ETFDH: variants seen among roughly 807,000 people sequenced by gnomAD.
The protein encoded by ETFDH is electron transfer flavoprotein dehydrogenase, also known as electron transfer flavoprotein-ubiquinone oxidoreductase, mitochondrial.
ETFDH carries 61 observed loss-of-function variants against 73.2 expected under a neutral mutation model. The ratio of observed to expected loss-of-function variants is 0.83; its 90% CI spans 0.68 to 1.03. ETFDH has a LOEUF of 1.03. Ranked by LOEUF, ETFDH falls within the 50% of genes least tolerant of loss-of-function variation. The probability of loss-of-function intolerance (pLI) is 0.00; values close to 1 mark genes in which losing one functional copy is unlikely to be tolerated. For synonymous variants in ETFDH, 243 were observed against 253.3 expected, an observed-to-expected ratio of 0.96 and a Z score of 0.39; for missense variants, 685 against 745.0, an observed-to-expected ratio of 0.92 and a Z score of 0.94.
chr4:158,677,898 G>A (rs1376518081), intron 1 of ETFDH, among the ~76,000 whole-genome samples: 2 of 152,022 alleles, frequency 1.3e-5, no homozygotes, highest in African/African-American at 2.4e-5. Flanking sequence ...TTTTGTTTTT[G>A]GTTTACACAA....
rs148708761 is a variant in ETFDH at position 158,690,368 on chromosome 4, T to C, written c.627T>C (p.Gly209=). The C allele has an allele frequency of 9.9e-5, 158 of 1,596,498 alleles. No individual in the cohort carries two copies. The African/African-American group carries it at 1.9e-3, about 19-fold the overall frequency. Residue 209 remains glycine (G), a synonymous_variant, in exon 6 of 13, where the codon GGT becomes GGC. Transcript: ENST00000511912. ...AAAEVLFHDD[G]SVKGIATNDV... ...TTTAGGTCCTTTTTCATGATGATGG[T>C]AGTGTAAAAGGAATTGCCACTAACG...
chr4:158,693,841 T>A (rs1452759840), intron 6 of ETFDH, among the ~76,000 whole-genome samples: 1 of 152,204 alleles, frequency 6.6e-6, no homozygotes, highest in Non-Finnish European at 1.5e-5. Flanking sequence ...AATATCAAGG[T>A]GCACTTAAAC....
rs371927583 is a variant in ETFDH, at chr4:158,697,573, T to C, written c.846T>C (p.Asp282=). 8.7e-6 allele frequency: 14 copies of C among 1,613,080 alleles called. No individual in the cohort carries two copies. In the African/African-American group the frequency reaches 1.6e-4, roughly 18 times the overall value. ...TTTTTTTTTAGTTATGGGTTATTGA[T>C]GAAAAGAACTGGAAACCTGGGAGAG... ...GIGLKELWVI[D]EKNWKPGRVD... Residue 282 remains aspartate, a synonymous_variant, in exon 8 of 13, where the codon GAT becomes GAC. Coordinates refer to ENST00000511912, the MANE Select transcript of ETFDH (RefSeq NM_004453.4).
chr4:158,701,275 G>A (rs188581768), intron 9 of ETFDH, among the ~76,000 whole-genome samples: 3 of 152,206 alleles, frequency 2.0e-5, no homozygotes, highest in Admixed American at 2.0e-4. Flanking sequence ...ATCGAACTTG[G>A]TGTCAACAAA....
At chr4:158,694,390 C>T (rs532148609) in intron 6 of ETFDH, among the ~76,000 whole-genome samples, 5 of 152,062 alleles carry the variant, frequency 3.3e-5, no homozygotes, top group East Asian at 3.9e-4. Flanking sequence ...GTCAGGAGTT[C>T]GAGACCAGCC....
At position 158,706,251 on chromosome 4, in the gene ETFDH, T is replaced by G. The variant is rs1580422633; in HGVS notation, c.1348T>G (p.Ser450Ala). 6.2e-7 allele frequency: 1 copy of G among 1,612,336 alleles called. No homozygotes were observed. The highest frequency in any genetic ancestry group is 8.5e-7 in the Non-Finnish European group (1 of 1,178,322). ...CTCATGGGTATGGAAAGAGCTATAT[T>G]CTGTTAGAAATATAAGACCGTCCTG... ...KNSWVWKELY[S>A]VRNIRPSCHG... Residue 450 changes from serine (S) to alanine (A), a missense_variant, in exon 11 of 13, where the codon TCT becomes GCT. Physicochemically the swap from Ser to Ala is moderately conservative, Grantham distance 99 (BLOSUM62 1). This residue lies in a region of ETFDH where 201 missense variants were observed against 225.2 expected (regional missense o/e 0.89). Coordinates refer to ENST00000511912, the MANE Select transcript of ETFDH (RefSeq NM_004453.4).
At position 158,695,364 on chromosome 4, in the gene ETFDH, G is replaced by C. The variant is rs185068703; in HGVS notation, c.685-133G>C. ...ATTCTATATATTATATATTTACTAT[G>C]TGATTCTTTATAATATTATACATTT... On this transcript the variant is annotated intron_variant, in intron 6 of 12. Transcript: ENST00000511912. The C allele has an allele frequency of 5.3e-4, 321 of 609,124 alleles. 6 individuals are homozygous for C. Among genetic ancestry groups the C allele is most frequent in the African/African-American group, 5.1e-3 (277 of 54,002 alleles). 37.7% of individuals were successfully genotyped at this position (609,124 alleles called of 1,614,324 possible).
intron 3 of ETFDH, among the ~76,000 whole-genome samples, chr4:158,683,717 T>A (rs1354080904): frequency 6.6e-6 from 1 of 152,026 alleles, no homozygotes; most frequent in Non-Finnish European, 1.5e-5. Flanking sequence ...GTAGCTGGGA[T>A]TACAGGCGTG....
At chr4:158,688,247 CTGGGTGTGG>C (rs1774059627) in intron 5 of ETFDH, among the ~76,000 whole-genome samples, 1 of 151,134 alleles carries the variant, frequency 6.6e-6, no homozygotes, top group South Asian at 2.1e-4. Context: ...CAAAAATTAG[CTGGGTGTGG>C]TGGCAGGCGC....
At chr4:158,707,088 C>G (rs773274306) in intron 12 of ETFDH, among the ~76,000 whole-genome samples, 6 of 150,224 alleles carry the variant, frequency 4.0e-5, no homozygotes, top group Non-Finnish European at 8.8e-5. Flanking sequence ...GATGAAGATT[C>G]TTGAAAATGA....
chr4:158,692,745 T>A (rs1388089202), intron 6 of ETFDH, among the ~76,000 whole-genome samples: 1 of 150,104 alleles, frequency 6.7e-6, no homozygotes, highest in Non-Finnish European at 1.5e-5. Flanking sequence ...TGATATTTCA[T>A]TTTTGTGTGT....
chr4:158,675,960 G>A (rs1773701735), intron 1 of ETFDH, among the ~76,000 whole-genome samples: 1 of 152,148 alleles, frequency 6.6e-6, no homozygotes, highest in Non-Finnish European at 1.5e-5. Flanking sequence ...GTGTATGAAG[G>A]TTCCAATTTT....
Position 158,708,544 on chromosome 4 carries a change from T to C in ETFDH, c.*17T>C, listed in dbSNP as rs1774706755. The C allele has an allele frequency of 1.2e-6, 2 of 1,606,678 alleles. No individual in the cohort carries two copies. Among genetic ancestry groups the C allele is most frequent in the Non-Finnish European group, 1.7e-6 (2 of 1,173,376 alleles). On this transcript the variant is annotated 3_prime_UTR_variant, in exon 13 of 13. Transcript: ENST00000511912. ...GGAATGTAAACTGCAGCTAGCCAGT[T>C]TCTTTCAAGTATGGCAAGCTAACGT...
At chr4:158,676,994 T>C (rs775449665) in intron 1 of ETFDH, among the ~76,000 whole-genome samples, 13 of 152,222 alleles carry the variant, frequency 8.5e-5, no homozygotes, top group Non-Finnish European at 1.5e-4. Context: ...TTTTCTCCCA[T>C]TCCACGGGCT....
At position 158,709,019 on chromosome 4, in the gene ETFDH, T is replaced by TTTTGTGTGTGTGTGTG. The variant is rs1554033707; in HGVS notation, c.*493_*494insTTGTGTGTGTGTGTGT. 1.3e-5 allele frequency: 2 copies of TTTTGTGTGTGTGTGTG among 150,336 alleles called. No individual in the cohort carries two copies. Among genetic ancestry groups the TTTTGTGTGTGTGTGTG allele is most frequent in the African/African-American group, 5.3e-5 (2 of 37,778 alleles). 9.3% of individuals were successfully genotyped at this position (150,336 alleles called of 1,614,324 possible). A position where few individuals can be genotyped will look rare whatever the true frequency, so the allele number is the denominator to read the frequency against. Reference sequence around the variant, plus strand: ...GAAGTATGCCCATCCCTGAACAAGTTTGTGTGTGTGTGTGTGTGTGTGTGT... The same window carrying TTTTGTGTGTGTGTGTG: ...GAAGTATGCCCATCCCTGAACAAGTTTTTGTGTGTGTGTGTGTGTGTGTGTGTGTGTGTGTGTGTGT... On this transcript the variant is annotated 3_prime_UTR_variant, in exon 13 of 13. Coordinates refer to ENST00000511912, the MANE Select transcript of ETFDH (RefSeq NM_004453.4).
chr4:158,696,142 T>C (rs1321974155), intron 7 of ETFDH, among the ~76,000 whole-genome samples: 1 of 152,342 alleles, frequency 6.6e-6, no homozygotes, highest in East Asian at 1.9e-4. Context: ...CATTCTCTAG[T>C]CTTATTTTCC....
At chr4:158,690,873 G>A (rs556432213) in intron 6 of ETFDH, among the ~76,000 whole-genome samples, 1 of 150,258 alleles carries the variant, frequency 6.7e-6, no homozygotes, top group African/African-American at 2.5e-5. Flanking sequence ...CTTATAACCT[G>A]GTCTCAAAAT....
intron 6 of ETFDH, among the ~76,000 whole-genome samples, chr4:158,690,938 AG>A (rs1392731616): frequency 1.3e-5 from 2 of 152,170 alleles, no homozygotes; most frequent in Admixed American, 1.3e-4. Flanking sequence ...TGTGGGTGTT[AG>A]AATACAGTAA....
Position 158,673,995 on chromosome 4 carries a change from C to CT in ETFDH, c.34+1513dup, listed in dbSNP as rs200975194. Among the ~76,000 whole-genome samples the CT allele has an allele frequency of 1.0e-2, 1,514 of 152,012 alleles. 12 individuals carry two copies. Among genetic ancestry groups the CT allele is most frequent in the Middle Eastern group, 0.027 (8 of 294 alleles). ...TTCAGAAAAGGGGTAAAGGTTGTGA[C>CT]TTTTTTTTCCAATCCTTTGGAGAAA... On this transcript the variant is annotated intron_variant, in intron 1 of 12. Transcript: ENST00000511912.
Sources: allele counts gnomAD v4.1 joint callset (sites outside exome capture counted in the v4.1 genomes callset), GRCh38; gene constraint gnomAD v4.1.1; regional missense constraint gnomAD v4.1.1; transcripts MANE v1.5; gene names NCBI Gene and HGNC (gene_info 2026-07-23, HGNC 2026-07-21).